RAB12: variants seen among roughly 807,000 people sequenced by gnomAD.
RAB12 encodes the protein RAB12, member RAS oncogene family.
In RAB12, 11 loss-of-function variants were observed where a neutral mutation model predicts 28.4. The ratio of observed to expected loss-of-function variants is 0.39; its 90% CI spans 0.24 to 0.64. The LOEUF is 0.64. Among genes scored for constraint, RAB12 ranks in the 30% least tolerant of loss-of-function variants. The pLI is 0.50. For missense variants in RAB12, 276 were observed against 351.1 expected (o/e 0.79, Z 1.71); for synonymous variants, 138 against 145.3 (o/e 0.95, Z 0.36).
chr18:8,637,390 A>G (rs1285929246), intron 5 of RAB12, among the ~76,000 whole-genome samples: 1 of 151,486 alleles, frequency 6.6e-6, no homozygotes, highest in Non-Finnish European at 1.5e-5. Flanking sequence ...ATGTATTTTT[A>G]TTTTGCCTGG....
chr18:8,617,456 T>G (rs943451750), intron 1 of RAB12, among the ~76,000 whole-genome samples: 1 of 152,018 alleles, frequency 6.6e-6, no homozygotes, highest in Non-Finnish European at 1.5e-5. Flanking sequence ...ATCATGGTTT[T>G]TTTTTTTTTA....
rs1230481422 is a variant in RAB12 at position 8,625,744 on chromosome 18, G to A, written c.575+746G>A. Among the ~76,000 whole-genome samples, 5 of 152,190 alleles carry A rather than the reference G, an allele frequency of 3.3e-5. No individual in the cohort carries two copies. The East Asian group carries it at 5.8e-4, about 18-fold the overall frequency. Reference sequence around the variant, plus strand: ...CCCATTGAGGTGCTCTGAGAATGCCGTTTTGTTTTGAATGCTACAGCTGCG... The same window carrying A: ...CCCATTGAGGTGCTCTGAGAATGCCATTTTGTTTTGAATGCTACAGCTGCG... On this transcript the variant is annotated intron_variant, in intron 2 of 5. Transcript: ENST00000649141.
chr18:8,623,837 A>G (rs756991517), intron 1 of RAB12, among the ~76,000 whole-genome samples: 1 of 152,270 alleles, frequency 6.6e-6, no homozygotes, highest in Non-Finnish European at 1.5e-5. Context: ...CTCCTAGGGC[A>G]GGAGGGCTGC....
At position 8,622,830 on chromosome 18, in the gene RAB12, G is replaced by A. The variant is rs994202977; in HGVS notation, c.515-2108G>A. 4.6e-5 allele frequency among the ~76,000 whole-genome samples: 7 copies of A among 151,978 alleles called. No individual in the cohort carries two copies. The East Asian group carries it at 7.7e-4, about 17-fold the overall frequency. On this transcript the variant is annotated intron_variant, in intron 1 of 5. Transcript: ENST00000649141. ...CACGCCCAGGGCCCCCCGCCACCCC[G>A]TAGACCTACCCCCAGGCGAGTATTC...
intron 1 of RAB12, among the ~76,000 whole-genome samples, chr18:8,611,093 C>G (rs2096003534): frequency 6.6e-6 from 1 of 152,022 alleles, no homozygotes; most frequent in Admixed American, 6.6e-5. Context: ...TCCCTTAATG[C>G]TTTTTTGGAA....
chr18:8,630,774 A>G (rs536294724), intron 2 of RAB12, among the ~76,000 whole-genome samples: 2 of 152,368 alleles, frequency 1.3e-5, no homozygotes, highest in East Asian at 3.9e-4. Flanking sequence ...GTTGGGTAAT[A>G]ATGAACTTTA....
At position 8,639,147 on chromosome 18, in the gene RAB12, CTTT is replaced by C. The variant is rs71165796; in HGVS notation, c.*928_*930del. 8.1e-4 allele frequency: 13 copies of C among 16,030 alleles called. No individual in the cohort carries two copies. Among genetic ancestry groups the C allele is most frequent in the Admixed American group, 9.4e-4 (1 of 1,060 alleles). 1.0% of individuals were successfully genotyped at this position (16,030 alleles called of 1,614,324 possible). A position where few individuals can be genotyped will look rare whatever the true frequency, so the allele number is the denominator to read the frequency against. ...ATTCTGATTAAGCCTAGACTGTGTT[CTTT>C]TTTTTTTTTTTTTTTTTTTTTTTTT... On this transcript the variant is annotated 3_prime_UTR_variant, in exon 6 of 6. Coordinates refer to ENST00000649141, the MANE Select transcript of RAB12 (RefSeq NM_001025300.3).
In RAB12 at chr18:8,634,886, C is replaced by T. The variant is rs538706969; in HGVS notation, c.715-647C>T. On this transcript the variant is annotated intron_variant, in intron 3 of 5. Transcript: ENST00000649141. ...GAGATTTTAACCTCATTTTTAAAGA[C>T]AGAAATCTCATTGTACCTATATGTA... Among the ~76,000 whole-genome samples, 6 of 152,330 alleles carry T rather than the reference C, an allele frequency of 3.9e-5. No individual in the cohort carries two copies. In the East Asian group the frequency reaches 1.2e-3, roughly 29 times the overall value.
At chr18:8,635,235 G>A (rs1391888078) in intron 3 of RAB12, 2 of 199,924 alleles carry the variant, frequency 1.0e-5, no homozygotes, top group African/African-American at 2.3e-5. Context: ...ACCATTTTGA[G>A]TGTAGAGCTT....
chr18:8,637,553 G>A lies in RAB12; in HGVS notation c.910-596G>A, dbSNP rs28737260. On this transcript the variant is annotated intron_variant, in intron 5 of 5. Transcript: ENST00000649141. The stretch of plus-strand genomic sequence containing the variant: ...AATGTCTAATTGATCTTTAACGATC[G>A]GAGGACTTTCAATAATAATACTTTT... Among the ~76,000 whole-genome samples the A allele has an allele frequency of 9.1e-3, 1,385 of 152,094 alleles. 21 individuals are homozygous for A. Among genetic ancestry groups the A allele is most frequent in the African/African-American group, 0.032 (1,328 of 41,490 alleles).
intron 1 of RAB12, among the ~76,000 whole-genome samples, chr18:8,623,453 C>T (rs929228031): frequency 6.6e-6 from 1 of 152,210 alleles, no homozygotes; most frequent in African/African-American, 2.4e-5. Flanking sequence ...GCAGTGAAAT[C>T]CTAACTCTAC....
chr18:8,635,348 A>T (rs2148711997), intron 3 of RAB12, 185 bp from the exon 4 acceptor site: 1 of 489,264 alleles, frequency 2.0e-6, no homozygotes, highest in Middle Eastern at 5.1e-4. Context: ...AGTTCTTTCT[A>T]AGACACAGTG....
In RAB12 at chr18:8,638,515, C is replaced by A; in HGVS notation, c.*253C>A. On this transcript the variant is annotated 3_prime_UTR_variant, in exon 6 of 6. Coordinates refer to ENST00000649141, the MANE Select transcript of RAB12 (RefSeq NM_001025300.3). ...ACATACACTGGGAAACCTAGTACTT[C>A]TAATATGAAGAATGGGAGAAATGAA... 1 of 365,816 alleles carries A rather than the reference C, an allele frequency of 2.7e-6. No homozygotes were observed. The highest frequency in any genetic ancestry group is 5.0e-6 in the Non-Finnish European group (1 of 201,352). 22.7% of individuals were successfully genotyped at this position (365,816 alleles called of 1,614,324 possible).
chr18:8,626,888 G>A (rs1367636104), intron 2 of RAB12, among the ~76,000 whole-genome samples: 1 of 152,194 alleles, frequency 6.6e-6, no homozygotes, highest in African/African-American at 2.4e-5. Context: ...CTTACGGAAT[G>A]GTTGATTGCA....
At chr18:8,610,056 G>A (rs751169578) in intron 1 of RAB12, 103 bp downstream of exon 1, 3 of 843,438 alleles carry the variant, frequency 3.6e-6, no homozygotes, top group East Asian at 3.0e-5. Context: ...GTCTTTCGGG[G>A]ATGGGCCTCT....
At chr18:8,624,913 T>C in intron 1 of RAB12, 25 bp from the exon 2 acceptor site, 1 of 1,431,922 alleles carries the variant, frequency 7.0e-7, no homozygotes, top group Non-Finnish European at 9.8e-7. Context: ...TGTTTTTGCT[T>C]CACATTTATT....
intron 1 of RAB12, among the ~76,000 whole-genome samples, chr18:8,612,672 T>C (rs568435269): frequency 6.6e-6 from 1 of 152,288 alleles, no homozygotes; most frequent in East Asian, 1.9e-4. Flanking sequence ...TTTATTTTTA[T>C]TTATTTATTT....
intron 2 of RAB12, among the ~76,000 whole-genome samples, chr18:8,629,691 C>G (rs930998254): frequency 6.6e-6 from 1 of 152,224 alleles, no homozygotes; most frequent in Non-Finnish European, 1.5e-5. Context: ...TAAGGCATCA[C>G]TGATGTGAAC....
rs144000638 is a variant in RAB12, at chr18:8,635,753, C to T, written c.804+131C>T. ...TACAGTGATAACTCAGTCACATCCT[C>T]CTAATTTGTTTGCACTTTTTTGACT... On this transcript the variant is annotated intron_variant, in intron 4 of 5. Coordinates refer to ENST00000649141, the MANE Select transcript of RAB12 (RefSeq NM_001025300.3). 1.0e-3 allele frequency: 587 copies of T among 589,356 alleles called. 2 individuals are homozygous for T. The highest frequency in any genetic ancestry group is 9.2e-3 in the African/African-American group (482 of 52,580). 36.5% of individuals were successfully genotyped at this position (589,356 alleles called of 1,614,324 possible).
Sources: gnomAD v4.1 joint callset for allele counts (sites outside exome capture counted in the v4.1 genomes callset) on GRCh38, gnomAD v4.1.1 for gene constraint, MANE v1.5 for transcripts, NCBI Gene and HGNC (gene_info 2026-07-23, HGNC 2026-07-21) for gene names.